Variants in TANC2 observed in about 807,000 individuals in gnomAD.
TANC2 encodes protein TANC2.
Under a neutral mutation model 210.5 loss-of-function variants are expected in TANC2, and 26 were observed. That is an observed-to-expected ratio of 0.12 (90% CI 0.09 to 0.17). TANC2 has a LOEUF of 0.17. TANC2 is among the 10% of genes least tolerant of loss of function. TANC2 has a pLI of 1.00. For missense variants in TANC2, 2,129 were observed against 2,608.9 expected, an observed-to-expected ratio of 0.82 and a Z score of 4.01; for synonymous variants, 931 against 967.1, an observed-to-expected ratio of 0.96 and a Z score of 0.69.
exon 4 of TANC2, chr17:63,099,242 T>C: frequency 1.9e-6 from 3 of 1,610,186 alleles, no homozygotes; most frequent in Non-Finnish European, 2.5e-6. Context: ...TTCCAGTGAG[T>C]GAAGGTATGC....
intron 9 of TANC2, among the ~76,000 whole-genome samples, chr17:63,306,677 G>A (rs1006538148): frequency 2.0e-5 from 3 of 152,180 alleles, no homozygotes; most frequent in Admixed American, 1.3e-4. Context: ...TATGGGGGCC[G>A]GGCATGGTGG....
chr17:63,125,913 T>G (rs1156860859), intron 4 of TANC2, among the ~76,000 whole-genome samples: 2 of 152,200 alleles, frequency 1.3e-5, no homozygotes, highest in African/African-American at 4.8e-5. Flanking sequence ...ACATAGTTTG[T>G]GTACTCTGGA....
intron 18 of TANC2, chr17:63,396,246 T>C: frequency 3.8e-6 from 1 of 260,964 alleles, no homozygotes; most frequent in Non-Finnish European, 7.4e-6. Context: ...AGTCACATGG[T>C]TAGATAATGT....
intron 2 of TANC2, among the ~76,000 whole-genome samples, chr17:63,024,527 G>A (rs1023822102): frequency 1.3e-5 from 2 of 152,150 alleles, no homozygotes; most frequent in Admixed American, 6.5e-5. Context: ...TTTACGACCT[G>A]TATCTTGTGC....
chr17:63,405,015 G>A, intron 19 of TANC2, 107 bp from the exon 20 acceptor site: 2 of 1,269,522 alleles, frequency 1.6e-6, no homozygotes, highest in Non-Finnish European at 2.1e-6. Context: ...ATTCTTAGAA[G>A]TAAAGTAGCA....
intron 4 of TANC2, among the ~76,000 whole-genome samples, chr17:63,134,290 C>G (rs1326898266): frequency 6.6e-6 from 1 of 152,120 alleles, no homozygotes; most frequent in Non-Finnish European, 1.5e-5. Flanking sequence ...TGTCATATCA[C>G]CACCCCCACT....
intron 7 of TANC2, among the ~76,000 whole-genome samples, chr17:63,220,062 A>C (rs1432465992): frequency 6.6e-6 from 1 of 152,008 alleles, no homozygotes; most frequent in Non-Finnish European, 1.5e-5. Context: ...TGGGAGGTCG[A>C]GGTGGGTGGA....
intron 3 of TANC2, among the ~76,000 whole-genome samples, chr17:63,089,867 C>A (rs2144794156): frequency 6.6e-6 from 1 of 150,412 alleles, no homozygotes; most frequent in African/African-American, 2.4e-5. Context: ...GATAAAATAT[C>A]CAATTAGAAA....
chr17:63,388,664 C>T (rs759317366), exon 16 of TANC2: 282 of 1,606,718 alleles, frequency 1.8e-4, no homozygotes, highest in Admixed American at 6.6e-4. Flanking sequence ...GTGTATCATC[C>T]TCCATCCTCC....
chr17:63,118,776 A>ATTTTT, intron 4 of TANC2, among the ~76,000 whole-genome samples: 1 of 125,674 alleles, frequency 8.0e-6, no homozygotes, highest in Non-Finnish European at 1.7e-5. Flanking sequence ...TATCCAACTA[A>ATTTTT]TTTTTTTTTT....
At chr17:63,278,713 CAG>C (rs1363429213) in intron 9 of TANC2, among the ~76,000 whole-genome samples, 2 of 152,086 alleles carry the variant, frequency 1.3e-5, no homozygotes, top group Non-Finnish European at 2.9e-5. Flanking sequence ...TGCCAAGAGA[CAG>C]AAACTACCTA....
In TANC2 at chr17:63,055,983, AAAAAAAAAT is replaced by A. The variant is rs1168091070; in HGVS notation, c.68-17958_68-17950del. On this transcript the variant is annotated intron_variant, in intron 2 of 27. Transcript: ENST00000689528. ...TCTCTACCAAAAAAAAAAAAAAAAA[AAAAAAAAAT>A]ATATATATATATATATATATATATA... Among the ~76,000 whole-genome samples the A allele has an allele frequency of 2.3e-4, 5 of 22,222 alleles. No homozygotes were observed. In the Admixed American group the frequency reaches 2.8e-3, roughly 12 times the overall value. 14.6% of individuals were successfully genotyped at this position (22,222 alleles called of 152,430 possible).
At chr17:63,185,276 A>G (rs185210748) in intron 5 of TANC2, among the ~76,000 whole-genome samples, 26 of 152,046 alleles carry the variant, frequency 1.7e-4, no homozygotes, top group Non-Finnish European at 3.4e-4. Context: ...TTTTTTTGGT[A>G]GAGAAAGGGT....
intron 7 of TANC2, among the ~76,000 whole-genome samples, chr17:63,225,556 C>G (rs2042306227): frequency 6.6e-6 from 1 of 152,152 alleles, no homozygotes; most frequent in Non-Finnish European, 1.5e-5. Flanking sequence ...CTACATATTC[C>G]TGAGCTAAAT....
intron 4 of TANC2, among the ~76,000 whole-genome samples, chr17:63,122,148 T>C (rs1407596728): frequency 1.3e-5 from 2 of 152,164 alleles, no homozygotes; most frequent in African/African-American, 2.4e-5. Flanking sequence ...GAAAGGAATA[T>C]TTCATGTCGG....
chr17:63,350,735 T>C (rs552034784), intron 12 of TANC2, among the ~76,000 whole-genome samples: 1 of 152,162 alleles, frequency 6.6e-6, no homozygotes, highest in Non-Finnish European at 1.5e-5. Context: ...TCTCTGTTAC[T>C]CTGTCTCTTC....
chr17:63,111,239 C>T (rs976444361), intron 4 of TANC2, among the ~76,000 whole-genome samples: 9 of 152,022 alleles, frequency 5.9e-5, no homozygotes, highest in African/African-American at 1.2e-4. Flanking sequence ...CGCTTGAACC[C>T]GAGAGGTGGA....
At chr17:63,315,169 T>G (rs2045275728) in intron 10 of TANC2, among the ~76,000 whole-genome samples, 1 of 152,208 alleles carries the variant, frequency 6.6e-6, no homozygotes, top group Non-Finnish European at 1.5e-5. Flanking sequence ...CTCATATGTA[T>G]TCAGGCTTCT....
At chr17:63,231,031 T>A (rs1249421738) in intron 7 of TANC2, among the ~76,000 whole-genome samples, 4 of 152,226 alleles carry the variant, frequency 2.6e-5, no homozygotes, top group Non-Finnish European at 5.9e-5. Flanking sequence ...CCCTTCTTTG[T>A]CTTTTTTTAA....
Sources: allele counts gnomAD v4.1 joint callset (sites outside exome capture counted in the v4.1 genomes callset), GRCh38; gene constraint gnomAD v4.1.1; transcripts MANE v1.5; gene names NCBI Gene and HGNC (gene_info 2026-07-23, HGNC 2026-07-21).